ADAMTS8: variants seen among roughly 807,000 people sequenced by gnomAD.
ADAMTS8 encodes ADAM metallopeptidase with thrombospondin type 1 motif 8.
Under a neutral mutation model 64.4 loss-of-function variants are expected in ADAMTS8, and 50 were observed. That is an observed-to-expected ratio of 0.78 (90% confidence interval 0.62 to 0.98). The LOEUF (loss-of-function observed/expected upper bound fraction) is 0.98, where lower values mean the gene tolerates loss of function less well. Ranked by LOEUF, ADAMTS8 falls within the 50% of genes least tolerant of loss-of-function variation. The pLI is 0.00. For synonymous variants in ADAMTS8, 556 were observed against 533.6 expected (o/e 1.04, Z -0.58); for missense variants, 1,192 against 1,208.2 (o/e 0.99, Z 0.20).
In ADAMTS8 at chr11:130,405,677, C is replaced by T. The variant is rs199626173; in HGVS notation, c.2551G>A (p.Gly851Ser). Residue 851 changes from glycine (G) to serine (S), a missense_variant, in exon 9 of 9, where the codon GGC (glycine) becomes AGC (serine). This residue lies in a region of ADAMTS8 where 147 missense variants were observed against 154.1 expected (regional missense o/e 0.95). Coordinates refer to ENST00000257359, the MANE Select transcript of ADAMTS8 (RefSeq NM_007037.6). ...CACTCTACAGTTCGCCTCTGCCAGC[C>T]GGCCCCGCAGGTGCTAGAGCACTCA... The part of the protein sequence containing the change: ...WSECSSTCGA[G>S]WQRRTVECRD... 3.7e-4 allele frequency: 595 copies of T among 1,613,950 alleles called. No homozygotes were observed. Among genetic ancestry groups the T allele is most frequent in the Non-Finnish European group, 4.8e-4 (566 of 1,179,972 alleles).
In ADAMTS8 at chr11:130,416,143, G is replaced by T; in HGVS notation, c.1264+20C>A. ...AAGGAGGCCCACGGGGACAAGTAGG[G>T]CGGGGCCGCCGGTGCCTACCGTGCC... On this transcript the variant is annotated intron_variant, in intron 4 of 8. Transcript: ENST00000257359. The surrounding 1 kb of genome is among the most constrained non-coding windows in gnomAD (Gnocchi z 4.8). 6.4e-7 allele frequency: 1 copy of T among 1,551,298 alleles called. No individual in the cohort carries two copies.
At position 130,414,807 on chromosome 11, in the gene ADAMTS8, A is replaced by C; in HGVS notation, c.1290T>G (p.Ala430=). Reference sequence around the variant, plus strand: ...GGCCTGTGGGGAGGGGCAGGGCCGCAGCAGGGGCATCCAGGAGACAGTCTC... The same window carrying C: ...GGCCTGTGGGGAGGGGCAGGGCCGCCGCAGGGGCATCCAGGAGACAGTCTC... ...GHGDCLLDAP[A]AALPLPTGLP... The change falls in exon 5 of 9, where the codon GCT becomes GCG. Residue 430 remains alanine (A), a synonymous_variant. Coordinates refer to ENST00000257359, the MANE Select transcript of ADAMTS8 (RefSeq NM_007037.6). 1.2e-6 allele frequency: 2 copies of C among 1,610,156 alleles called. No homozygotes were observed. The highest frequency in any genetic ancestry group is 8.5e-7 in the Non-Finnish European group (1 of 1,177,836).
At chr11:130,418,909 C>CCTT in intron 2 of ADAMTS8, 144 bp downstream of exon 2, 1 of 1,349,374 alleles carries the variant, frequency 7.4e-7, no homozygotes, top group Non-Finnish European at 1.0e-6. Context: ...ATGACCTCCT[C>CCTT]ATCATTCTGG....
rs1419731511 is a variant in ADAMTS8 at position 130,428,305 on chromosome 11, T to G, written c.-19A>C. The G allele has an allele frequency of 8.1e-6, 10 of 1,241,858 alleles. No homozygotes were observed. The highest frequency in any genetic ancestry group is 1.6e-5 in the African/African-American group (1 of 62,786). The allele number at this position is 1,241,858 out of a possible 1,614,324, so 76.9% of individuals were successfully genotyped here. Reference sequence around the variant, plus strand: ...GGAGCATGGGGGCTGCGGCGGTGGCTGCGCGCAGGAGAGGGAAGAAGCCCG... The same window carrying G: ...GGAGCATGGGGGCTGCGGCGGTGGCGGCGCGCAGGAGAGGGAAGAAGCCCG... On this transcript the variant is annotated 5_prime_UTR_variant, in exon 1 of 9. Transcript: ENST00000257359.
chr11:130,427,621 C>A lies in ADAMTS8; in HGVS notation c.666G>T (p.Glu222Asp). Residue 222 changes from glutamate (E) to aspartate (D), a missense_variant, in exon 1 of 9, where the codon GAG (glutamate) becomes GAT (aspartate). Physicochemically the swap from Glu to Asp is conservative, Grantham distance 45 (BLOSUM62 2). Transcript: ENST00000257359. ...TGGACGCATCGGCCACCAGCAGCGT[C>A]TCCACGAAGCGCGCCTCAGACACAA... ...KRFVSEARFV[E>D]TLLVADASMA... 2 of 1,560,184 alleles carry A rather than the reference C, an allele frequency of 1.3e-6. No individual in the cohort carries two copies. Among genetic ancestry groups the A allele is most frequent in the Non-Finnish European group, 1.7e-6 (2 of 1,156,050 alleles).
chr11:130,414,848 G>A lies in ADAMTS8; in HGVS notation c.1265-16C>T. The A allele has an allele frequency of 6.3e-7, 1 of 1,593,952 alleles. No homozygotes were observed. The highest frequency in any genetic ancestry group is 8.6e-7 in the Non-Finnish European group (1 of 1,169,202). On this transcript the variant is annotated splice_polypyrimidine_tract_variant and intron_variant, in intron 4 of 8. Coordinates refer to ENST00000257359, the MANE Select transcript of ADAMTS8 (RefSeq NM_007037.6). ...AGACAGTCTCCTGGGAAAAGAGGAA[G>A]CAGGGGTGTAAGAACATGCACAGGG...
intron 8 of ADAMTS8, among the ~76,000 whole-genome samples, 153 bp downstream of exon 8, chr11:130,408,311 T>G (rs1168145270): frequency 6.6e-6 from 1 of 152,196 alleles, no homozygotes; most frequent in Non-Finnish European, 1.5e-5. Context: ...CTGCTGACAT[T>G]TTACAAAGAA....
Position 130,405,214 on chromosome 11 carries a change from A to ATT in ADAMTS8, c.*342_*343dup. ...TTATTTATCGGGGAAACCAGATAGA[A>ATT]TTTTTTTTTTCATTTAAGTTTGCTA... On this transcript the variant is annotated 3_prime_UTR_variant, in exon 9 of 9. Coordinates refer to ENST00000257359, the MANE Select transcript of ADAMTS8 (RefSeq NM_007037.6). 1 of 1,047,106 alleles carries ATT rather than the reference A, an allele frequency of 9.6e-7. No homozygotes were observed. The allele number at this position is 1,047,106 out of a possible 1,614,324, so 64.9% of individuals were successfully genotyped here. A position where few individuals can be genotyped will look rare whatever the true frequency, so the allele number is the denominator to read the frequency against.
chr11:130,419,937 C>T (rs945455435), intron 1 of ADAMTS8, among the ~76,000 whole-genome samples: 2 of 152,218 alleles, frequency 1.3e-5, no homozygotes, highest in African/African-American at 4.8e-5. Context: ...TCACTCCTAA[C>T]AACAGCTACT....
intron 1 of ADAMTS8, among the ~76,000 whole-genome samples, chr11:130,423,662 G>A (rs916878198): frequency 5.3e-5 from 8 of 152,226 alleles, no homozygotes; most frequent in Non-Finnish European, 1.0e-4. Context: ...TTGGGAAGAT[G>A]AGCGCCACTT....
Position 130,416,470 on chromosome 11 carries a change from T to C in ADAMTS8, c.1097-140A>G, listed in dbSNP as rs780266931. The C allele has an allele frequency of 1.0e-6, 1 of 963,106 alleles. No homozygotes were observed. Among genetic ancestry groups the C allele is most frequent in the South Asian group, 1.9e-5 (1 of 53,504 alleles). 59.7% of individuals were successfully genotyped at this position (963,106 alleles called of 1,614,324 possible). Reference sequence around the variant, plus strand: ...AAGATTTCTGCGTAGGGCTTTCCCCTGCGCTTTGCTCTTCCAGGACGCGTT... The same window carrying C: ...AAGATTTCTGCGTAGGGCTTTCCCCCGCGCTTTGCTCTTCCAGGACGCGTT... On this transcript the variant is annotated intron_variant, in intron 3 of 8. Transcript: ENST00000257359. This position sits in a 1 kb window ranked among gnomAD's most constrained non-coding sequence, Gnocchi z 4.8.
In ADAMTS8 at chr11:130,428,063, AGGAAG is replaced by A; in HGVS notation, c.219_223del (p.Phe74SerfsTer124). ...GCGCTCGATCTTGAACTCGGGCGCTAGGAAGCTGTCGTCGGGCGCCAGGCGCAGCA... is the reference window on the plus strand; with the variant it reads ...GCGCTCGATCTTGAACTCGGGCGCTACTGTCGTCGGGCGCCAGGCGCAGCA... On this transcript the variant is annotated frameshift_variant, in exon 1 of 9. Coordinates refer to ENST00000257359, the MANE Select transcript of ADAMTS8 (RefSeq NM_007037.6). LOFTEE classifies it high-confidence loss of function. The A allele has an allele frequency of 6.5e-7, 1 of 1,534,912 alleles. No individual in the cohort carries two copies. Among genetic ancestry groups the A allele is most frequent in the Non-Finnish European group, 8.7e-7 (1 of 1,148,974 alleles).
At chr11:130,423,067 G>A (rs868163813) in intron 1 of ADAMTS8, among the ~76,000 whole-genome samples, 3 of 152,142 alleles carry the variant, frequency 2.0e-5, no homozygotes, top group Admixed American at 1.3e-4. Context: ...ACATTATTTC[G>A]ATTTCATTCC....
intron 4 of ADAMTS8, 50 bp from the exon 5 acceptor site, chr11:130,414,882 C>G: frequency 6.7e-7 from 1 of 1,500,658 alleles, no homozygotes; most frequent in Admixed American, 2.2e-5. Flanking sequence ...GGCTGCCGCC[C>G]TCTCAGCTCT....
At chr11:130,414,509 A>C (rs1195170724) in intron 5 of ADAMTS8, 22 bp downstream of exon 5, 1 of 1,559,700 alleles carries the variant, frequency 6.4e-7, no homozygotes, top group Middle Eastern at 1.7e-4. Context: ...CCTCCCCGCT[A>C]TCCTCAGGGG....
chr11:130,413,250 C>G (rs193167815), intron 5 of ADAMTS8, among the ~76,000 whole-genome samples: 227 of 152,382 alleles, frequency 1.5e-3, no homozygotes, highest in African/African-American at 5.3e-3. Context: ...TCTCCCTGCA[C>G]TTAGCTCGGC....
At chr11:130,426,046 C>T (rs1592136063) in intron 1 of ADAMTS8, among the ~76,000 whole-genome samples, 1 of 152,202 alleles carries the variant, frequency 6.6e-6, no homozygotes, top group Non-Finnish European at 1.5e-5. Flanking sequence ...CTGGTGCTCC[C>T]ACCGCTCCGT....
intron 5 of ADAMTS8, 57 bp downstream of exon 5, chr11:130,414,474 C>T: frequency 6.5e-7 from 1 of 1,527,748 alleles, no homozygotes; most frequent in East Asian, 2.3e-5. Context: ...TCAGTCCTCC[C>T]CATTTCCTTT....
rs746837291 is a variant in ADAMTS8 at position 130,419,200 on chromosome 11, C to T, written c.813G>A (p.Leu271=). 1.9e-6 allele frequency: 3 copies of T among 1,614,082 alleles called. No homozygotes were observed. In the East Asian group the frequency reaches 6.7e-5, roughly 36 times the overall value. The change falls in exon 2 of 9, where the codon CTG becomes CTA. Residue 271 remains leucine (L), a synonymous_variant. Coordinates refer to ENST00000257359, the MANE Select transcript of ADAMTS8 (RefSeq NM_007037.6). ...NSINLMVVKV[L]IVEDEKWGPE... The stretch of plus-strand genomic sequence containing the variant: ...GGCCCCATTTTTCATCTTCTACGAT[C>T]AGCACTTTTACCACCATCAGGTTGA...
Sources: gnomAD v4.1 joint callset for allele counts (sites outside exome capture counted in the v4.1 genomes callset) on GRCh38, gnomAD v4.1.1 for gene constraint, gnomAD v4.1.1 regional missense constraint, Gnocchi (gnomAD v3.1) non-coding constraint, MANE v1.5 for transcripts, NCBI Gene and HGNC (gene_info 2026-07-23, HGNC 2026-07-21) for gene names.